The following UGGT1 variants were observed in gnomAD, a reference collection of about 807,000 sequenced individuals.
UGGT1 encodes UDP-glucose glycoprotein glucosyltransferase 1, also known as UDP-glucose:glycoprotein glucosyltransferase 1.
A neutral mutation model predicts 203.9 loss-of-function variants in UGGT1; 107 were observed. That is an observed-to-expected ratio of 0.52 (90% CI 0.45 to 0.62). UGGT1 has a LOEUF of 0.62. Ranked by LOEUF, UGGT1 falls within the 20% of genes least tolerant of loss-of-function variation. The probability of loss-of-function intolerance (pLI) is 0.00; values close to 1 mark genes in which losing one functional copy is unlikely to be tolerated. For synonymous variants in UGGT1, 628 were observed against 653.5 expected, an observed-to-expected ratio of 0.96 and a Z score of 0.59; for missense variants, 1,673 against 1,867.2, an observed-to-expected ratio of 0.90 and a Z score of 1.92.
At chr2:128,148,199 T>C (rs1192855789) in intron 18 of UGGT1, among the ~76,000 whole-genome samples, 3 of 152,086 alleles carry the variant, frequency 2.0e-5, no homozygotes, top group Non-Finnish European at 2.9e-5. Context: ...GTAGCTGGGA[T>C]TACAGGAGCA....
At chr2:128,131,103 C>T (rs1247755724) in intron 13 of UGGT1, among the ~76,000 whole-genome samples, 2 of 151,564 alleles carry the variant, frequency 1.3e-5, no homozygotes, top group East Asian at 3.9e-4. Context: ...CGTGGTGGTA[C>T]ACACCTGTAA....
chr2:128,141,899 A>C lies in UGGT1; in HGVS notation c.1720-1195A>C, dbSNP rs186707583. Among the ~76,000 whole-genome samples, 398 of 151,808 alleles carry C rather than the reference A, an allele frequency of 2.6e-3. 2 individuals are homozygous for C. Among genetic ancestry groups the C allele is most frequent in the Non-Finnish European group, 4.6e-3 (313 of 67,932 alleles). On this transcript the variant is annotated intron_variant, in intron 16 of 40. Transcript: ENST00000259253. ...CTCCCTTTCCTCATCCCTCCTAAAC[A>C]TCGTGGATGTAGTTTTTATTTCAAG...
chr2:128,120,327 A>G (rs1688317635), intron 8 of UGGT1, 29 bp from the exon 9 acceptor site: 1 of 1,592,940 alleles, frequency 6.3e-7, no homozygotes, highest in Non-Finnish European at 8.6e-7. Context: ...AAAAATAATG[A>G]AAAGGACTGA....
intron 40 of UGGT1, among the ~76,000 whole-genome samples, chr2:128,188,726 C>CT (rs1325678865): frequency 6.6e-6 from 1 of 152,142 alleles, no homozygotes; most frequent in Non-Finnish European, 1.5e-5. Context: ...CGGAGGATTG[C>CT]TTGAGCCTGG....
intron 34 of UGGT1, among the ~76,000 whole-genome samples, chr2:128,179,141 T>C (rs574882788): frequency 6.6e-6 from 1 of 151,402 alleles, no homozygotes; most frequent in Non-Finnish European, 1.5e-5. Context: ...TTGCCAGGGC[T>C]CTGTTCACTC....
At position 128,145,956 on chromosome 2, in the gene UGGT1, G is replaced by A. The variant is rs781779049; in HGVS notation, c.2005G>A (p.Ala669Thr). The change falls in exon 18 of 41, where the codon GCG (alanine) becomes ACG (threonine). Residue 669 changes from alanine to threonine, a missense_variant. Ala to Thr is a moderately conservative substitution (Grantham distance 58). This residue lies in a region of UGGT1 where 1,073 missense variants were observed against 1,078.7 expected (regional missense o/e 0.99). Transcript: ENST00000259253. Reference protein sequence around the residue: ...ILETTTFFQRAVYLGELPHDQ... With the variant: ...ILETTTFFQRTVYLGELPHDQ... Reference sequence around the variant, plus strand: ...GGAGACCACCACCTTCTTCCAAAGAGCGGTGTACTTGGTGAGTCACGTTTC... The same window carrying A: ...GGAGACCACCACCTTCTTCCAAAGAACGGTGTACTTGGTGAGTCACGTTTC... 7 of 1,613,570 alleles carry A rather than the reference G, an allele frequency of 4.3e-6. No individual in the cohort carries two copies. The South Asian group carries it at 5.5e-5, about 13-fold the overall frequency.
At chr2:128,135,111 G>C in intron 15 of UGGT1, 150 bp downstream of exon 15, 1 of 643,474 alleles carries the variant, frequency 1.6e-6, no homozygotes, top group Non-Finnish European at 2.7e-6. Context: ...TATGAAGCCA[G>C]TGTCTTTTGG....
intron 22 of UGGT1, among the ~76,000 whole-genome samples, chr2:128,158,265 A>C (rs541557429): frequency 3.3e-5 from 5 of 152,330 alleles, no homozygotes; most frequent in African/African-American, 4.8e-5. Flanking sequence ...AGAAGTGCTC[A>C]AATCATAGGA....
At chr2:128,158,902 G>C (rs1690379029) in intron 22 of UGGT1, among the ~76,000 whole-genome samples, 1 of 152,112 alleles carries the variant, frequency 6.6e-6, no homozygotes, top group African/African-American at 2.4e-5. Context: ...AATACAAAAT[G>C]TGTGGCATAA....
intron 2 of UGGT1, among the ~76,000 whole-genome samples, chr2:128,098,467 A>C (rs1687212913): frequency 6.6e-6 from 1 of 152,154 alleles, no homozygotes; most frequent in Non-Finnish European, 1.5e-5. Context: ...TAAATGATAA[A>C]ACGGTGGCTA....
rs748785961 is a variant in UGGT1, at chr2:128,177,859, G to A, written c.3652G>A (p.Glu1218Lys). 12 of 1,601,818 alleles carry A rather than the reference G, an allele frequency of 7.5e-6. No individual in the cohort carries two copies. Among genetic ancestry groups the A allele is most frequent in the South Asian group, 2.3e-5 (2 of 88,854 alleles). The change falls in exon 33 of 41, where the codon GAA becomes AAA. Residue 1218 changes from glutamate to lysine, a missense_variant. Physicochemically the swap from Glu to Lys is moderately conservative, Grantham distance 56. Coordinates refer to ENST00000259253, the MANE Select transcript of UGGT1 (RefSeq NM_020120.4). ...TCAGAAGAAGGCAGATATGGTGAAC[G>A]AAGACTTGCTGAGTGATGGAACGAG... ...KVQKKADMVN[E>K]DLLSDGTSEN...
At chr2:128,173,196 G>A (rs1558818867) in intron 29 of UGGT1, among the ~76,000 whole-genome samples, 1 of 152,324 alleles carries the variant, frequency 6.6e-6, no homozygotes. Flanking sequence ...CCATGCTGTA[G>A]TATGTATCGA....
In UGGT1 at chr2:128,176,795, T is replaced by A; in HGVS notation, c.3540-19T>A. Reference sequence around the variant, plus strand: ...TGAGAATTGTGCCTTGTAATATTGATCTTTCTTTTCTCGCAAAGCCACGAT... The same window carrying A: ...TGAGAATTGTGCCTTGTAATATTGAACTTTCTTTTCTCGCAAAGCCACGAT... On this transcript the variant is annotated intron_variant, in intron 31 of 40. Transcript: ENST00000259253. The A allele has an allele frequency of 6.2e-7, 1 of 1,610,160 alleles. No individual in the cohort carries two copies. Among genetic ancestry groups the A allele is most frequent in the Non-Finnish European group, 8.5e-7 (1 of 1,176,848 alleles).
chr2:128,169,324 T>A (rs1388639655), intron 26 of UGGT1, among the ~76,000 whole-genome samples: 1 of 152,126 alleles, frequency 6.6e-6, no homozygotes, highest in African/African-American at 2.4e-5. Context: ...TGAACCATGA[T>A]CACGCCACTG....
At chr2:128,124,614 A>G (rs1395467795) in intron 11 of UGGT1, among the ~76,000 whole-genome samples, 1 of 149,896 alleles carries the variant, frequency 6.7e-6, no homozygotes. Context: ...GTATTTATTT[A>G]TTTTTTAAAT....
intron 37 of UGGT1, among the ~76,000 whole-genome samples, chr2:128,183,331 C>T (rs74770389): frequency 3.9e-5 from 6 of 152,274 alleles, no homozygotes; most frequent in East Asian, 1.9e-4. Context: ...TTTTCCCCCC[C>T]CTGTAACATT....
At chr2:128,164,913 A>G in intron 26 of UGGT1, 88 bp downstream of exon 26, 1 of 951,754 alleles carries the variant, frequency 1.1e-6, no homozygotes, top group Non-Finnish European at 1.5e-6. Context: ...TTTCCATATA[A>G]GATTTATATA....
chr2:128,114,102 A>C (rs1382801314), intron 6 of UGGT1, among the ~76,000 whole-genome samples: 3 of 152,142 alleles, frequency 2.0e-5, no homozygotes, highest in Non-Finnish European at 4.4e-5. Flanking sequence ...CATGCAAAAA[A>C]AATAAAATTT....
intron 1 of UGGT1, among the ~76,000 whole-genome samples, chr2:128,093,478 T>C (rs936573169): frequency 1.3e-5 from 2 of 152,194 alleles, no homozygotes; most frequent in African/African-American, 4.8e-5. Context: ...AAAGCCAGCG[T>C]AAGTGTGGAT....
Sources: allele counts gnomAD v4.1 joint callset (sites outside exome capture counted in the v4.1 genomes callset), GRCh38; gene constraint gnomAD v4.1.1; regional missense constraint gnomAD v4.1.1; transcripts MANE v1.5; gene names NCBI Gene and HGNC (gene_info 2026-07-23, HGNC 2026-07-21).